The following LGR4 variants were observed in gnomAD, a reference collection of about 807,000 sequenced individuals.
The protein encoded by LGR4 is leucine-rich repeat-containing G protein-coupled receptor 4.
A neutral mutation model predicts 84.8 loss-of-function variants in LGR4; 44 were observed. The observed-to-expected ratio is 0.52, with a 90% CI of 0.41 to 0.67. The LOEUF (loss-of-function observed/expected upper bound fraction) is 0.67. Ranked by LOEUF, LGR4 falls within the 30% of genes least tolerant of loss-of-function variation. The probability of loss-of-function intolerance (pLI) is 0.00; values close to 1 mark genes in which losing one functional copy is unlikely to be tolerated. For synonymous variants in LGR4, 429 were observed against 434.3 expected (o/e 0.99, Z 0.15); for missense variants, 1,032 against 1,131.4 (o/e 0.91, Z 1.26).
At chr11:27,409,169 G>A (rs915045816) in intron 2 of LGR4, among the ~76,000 whole-genome samples, 1 of 152,120 alleles carries the variant, frequency 6.6e-6, no homozygotes, top group African/African-American at 2.4e-5. Flanking sequence ...AAGTTGGATG[G>A]AATATTTTCC....
At chr11:27,372,141 A>T in intron 16 of LGR4, 142 bp downstream of exon 16, 1 of 644,972 alleles carries the variant, frequency 1.6e-6, no homozygotes, top group Non-Finnish European at 2.7e-6. Context: ...CTGAGATTAC[A>T]GGCATGAGCC....
intron 4 of LGR4, among the ~76,000 whole-genome samples, chr11:27,389,611 A>G (rs1463985660): frequency 1.3e-5 from 2 of 152,126 alleles, no homozygotes; most frequent in African/African-American, 2.4e-5. Flanking sequence ...CCTTTAAACT[A>G]GACAAAATAA....
chr11:27,464,759 A>G (rs2133458903), intron 1 of LGR4, among the ~76,000 whole-genome samples: 1 of 152,346 alleles, frequency 6.6e-6, no homozygotes, highest in East Asian at 1.9e-4. Flanking sequence ...ATAAGGGGAT[A>G]GAGAGAATGT....
intron 1 of LGR4, among the ~76,000 whole-genome samples, chr11:27,448,439 T>A (rs957710469): frequency 1.7e-4 from 26 of 152,068 alleles, no homozygotes; most frequent in African/African-American, 6.3e-4. Context: ...ATTACAGGCA[T>A]GTGCTTCCAT....
chr11:27,472,761 G>T lies in LGR4; in HGVS notation c.-459C>A, dbSNP rs980977759. On this transcript the variant is annotated 5_prime_UTR_variant, in exon 1 of 18. Transcript: ENST00000379214. ...CCCAGCCGCGGCTCAATCTCTTCCC[G>T]TCCTTTTCCCTTCTAGGGTTGCACG... The T allele has an allele frequency of 1.5e-5, 5 of 343,826 alleles. No homozygotes were observed. The highest frequency in any genetic ancestry group is 1.5e-3 in the Middle Eastern group (2 of 1,326). 21.3% of individuals were successfully genotyped at this position (343,826 alleles called of 1,614,324 possible). A position where few individuals can be genotyped will look rare whatever the true frequency, so the allele number is the denominator to read the frequency against.
intron 1 of LGR4, among the ~76,000 whole-genome samples, chr11:27,418,804 A>G (rs1003357091): frequency 4.0e-5 from 6 of 151,244 alleles, no homozygotes; most frequent in African/African-American, 1.5e-4. Context: ...AATTCATTTT[A>G]TGATCATCTA....
At chr11:27,388,345 C>G (rs1288748180) in intron 4 of LGR4, among the ~76,000 whole-genome samples, 1 of 152,026 alleles carries the variant, frequency 6.6e-6, no homozygotes, top group Non-Finnish European at 1.5e-5. Flanking sequence ...AGTATTCACC[C>G]CAAATAACAG....
intron 2 of LGR4, among the ~76,000 whole-genome samples, chr11:27,404,609 C>T (rs1863567233): frequency 6.6e-6 from 1 of 152,136 alleles, no homozygotes; most frequent in Non-Finnish European, 1.5e-5. Flanking sequence ...CAACTCTAAG[C>T]AGTCCTATTA....
chr11:27,381,154 T>A (rs1863085445), intron 7 of LGR4, among the ~76,000 whole-genome samples, 188 bp from the exon 8 acceptor site: 1 of 152,198 alleles, frequency 6.6e-6, no homozygotes. Flanking sequence ...TAATTCTTTT[T>A]TAACCCACTG....
At position 27,372,327 on chromosome 11, in the gene LGR4, G is replaced by A. The variant is rs757148300; in HGVS notation, c.1451C>T (p.Thr484Ile). 18 of 1,613,486 alleles carry A rather than the reference G, an allele frequency of 1.1e-5. No individual in the cohort carries two copies. Among genetic ancestry groups the A allele is most frequent in the Middle Eastern group, 1.6e-4 (1 of 6,080 alleles). The change falls in exon 16 of 18, where the codon ACA becomes ATA. Residue 484 changes from threonine (T) to isoleucine (I), a missense_variant. Physicochemically the swap from Thr to Ile is moderately conservative, Grantham distance 89. Coordinates refer to ENST00000379214, the MANE Select transcript of LGR4 (RefSeq NM_018490.5). Reference protein sequence around the residue: ...WGCDSYANLNTEDNSLQDHSV... With the variant: ...WGCDSYANLNIEDNSLQDHSV... Reference sequence around the variant, plus strand: ...GTGGTCCTGGAGGCTGTTATCTTCTGTGTTTAAATTTGCATAAGAGTCACA... The same window carrying A: ...GTGGTCCTGGAGGCTGTTATCTTCTATGTTTAAATTTGCATAAGAGTCACA...
intron 1 of LGR4, among the ~76,000 whole-genome samples, chr11:27,452,675 G>C (rs1864503763): frequency 2.1e-5 from 3 of 142,224 alleles, no homozygotes; most frequent in Admixed American, 1.5e-4. Context: ...CCCGGCTGGA[G>C]TGCAGTGGCG....
At chr11:27,394,866 G>T (rs1863357664) in intron 2 of LGR4, among the ~76,000 whole-genome samples, 1 of 151,938 alleles carries the variant, frequency 6.6e-6, no homozygotes, top group African/African-American at 2.4e-5. Flanking sequence ...AAGTACAAAT[G>T]CCTTCAAGAA....
In LGR4 at chr11:27,372,329, G is replaced by A; in HGVS notation, c.1449C>T (p.Asn483=). 1.2e-6 allele frequency: 2 copies of A among 1,613,674 alleles called. No individual in the cohort carries two copies. The highest frequency in any genetic ancestry group is 1.7e-6 in the Non-Finnish European group (2 of 1,179,650). Residue 483 remains asparagine (N), a synonymous_variant, in exon 16 of 18, where the codon AAC becomes AAT. Transcript: ENST00000379214. ...GGTCCTGGAGGCTGTTATCTTCTGT[G>A]TTTAAATTTGCATAAGAGTCACAAC... The part of the protein sequence containing the change: ...FWGCDSYANL[N]TEDNSLQDHS...
In LGR4 at chr11:27,367,775, C is replaced by T; in HGVS notation, c.*92G>A. On this transcript the variant is annotated 3_prime_UTR_variant, in exon 18 of 18. Transcript: ENST00000379214. ...TCTAAGTGACACCAGGCAGTGATTA[C>T]AGAAGTGCTTCCCAGATGAAAGATG... 1 of 927,252 alleles carries T rather than the reference C, an allele frequency of 1.1e-6. No homozygotes were observed. The highest frequency in any genetic ancestry group is 1.6e-6 in the Non-Finnish European group (1 of 612,960). 57.4% of individuals were successfully genotyped at this position (927,252 alleles called of 1,614,324 possible).
intron 1 of LGR4, among the ~76,000 whole-genome samples, chr11:27,445,667 A>G (rs1258083359): frequency 6.6e-6 from 1 of 152,138 alleles, no homozygotes; most frequent in Non-Finnish European, 1.5e-5. Flanking sequence ...GGTATAAGGT[A>G]AAGAGTTTGA....
At chr11:27,426,734 A>G (rs1295517883) in intron 1 of LGR4, among the ~76,000 whole-genome samples, 1 of 152,170 alleles carries the variant, frequency 6.6e-6, no homozygotes, top group Non-Finnish European at 1.5e-5. Flanking sequence ...TAATCTCACC[A>G]TCTCATTTTA....
chr11:27,384,916 C>G (rs1001047946), intron 5 of LGR4, among the ~76,000 whole-genome samples: 2 of 152,156 alleles, frequency 1.3e-5, no homozygotes, highest in African/African-American at 2.4e-5. Flanking sequence ...ATCCCTGGGA[C>G]TAACTTCTAT....
chr11:27,380,573 A>T, intron 9 of LGR4, 67 bp downstream of exon 9: 1 of 1,123,722 alleles, frequency 8.9e-7, no homozygotes, highest in Non-Finnish European at 1.3e-6. Flanking sequence ...TTCCAGTAAT[A>T]AATTCTTGTT....
chr11:27,460,408 T>C (rs1258799002), intron 1 of LGR4, among the ~76,000 whole-genome samples: 2 of 152,158 alleles, frequency 1.3e-5, no homozygotes, highest in Non-Finnish European at 2.9e-5. Flanking sequence ...AATTCAAGCA[T>C]CTGTGATCCC....
Sources: gnomAD v4.1 joint callset for allele counts (sites outside exome capture counted in the v4.1 genomes callset) on GRCh38, gnomAD v4.1.1 for gene constraint, MANE v1.5 for transcripts, NCBI Gene and HGNC (gene_info 2026-07-23, HGNC 2026-07-21) for gene names.